The following ADAMTSL3 variants were observed in gnomAD, a reference collection of about 807,000 sequenced individuals.
ADAMTSL3 encodes the protein ADAMTS like 3.
A neutral mutation model predicts 201.7 loss-of-function variants in ADAMTSL3; 128 were observed. That is an observed-to-expected ratio of 0.63 (90% CI 0.55 to 0.73). The LOEUF is 0.73. Among genes scored for constraint, ADAMTSL3 ranks in the 30% least tolerant of loss-of-function variants. The pLI is 0.00. For missense variants in ADAMTSL3, 1,990 were observed against 2,119.6 expected (o/e 0.94, Z 1.20); for synonymous variants, 738 against 748.4 (o/e 0.99, Z 0.23).
intron 21 of ADAMTSL3, among the ~76,000 whole-genome samples, chr15:83,984,646 A>G (rs1266417355): frequency 2.0e-5 from 3 of 152,218 alleles, no homozygotes; most frequent in African/African-American, 7.2e-5. Flanking sequence ...CATTGAAAAT[A>G]TCTCCATTAA....
At chr15:84,023,405 A>T (rs1002607798) in intron 26 of ADAMTSL3, among the ~76,000 whole-genome samples, 1 of 152,200 alleles carries the variant, frequency 6.6e-6, no homozygotes, top group African/African-American at 2.4e-5. Flanking sequence ...CCAGTCTCTA[A>T]GAGTGCCTTG....
At chr15:83,734,041 A>C (rs1319194455) in intron 3 of ADAMTSL3, among the ~76,000 whole-genome samples, 6 of 152,198 alleles carry the variant, frequency 3.9e-5, no homozygotes, top group African/African-American at 1.4e-4. Flanking sequence ...CGTAAAAGGA[A>C]TAGTGAGTCT....
intron 6 of ADAMTSL3, among the ~76,000 whole-genome samples, chr15:83,822,322 G>A (rs2063893599): frequency 6.7e-6 from 1 of 148,794 alleles, no homozygotes; most frequent in Non-Finnish European, 1.5e-5. Context: ...CTCAGACGGG[G>A]CGGCTGCCGG....
At chr15:83,875,471 A>C (rs1389777701) in intron 9 of ADAMTSL3, among the ~76,000 whole-genome samples, 2 of 152,228 alleles carry the variant, frequency 1.3e-5, no homozygotes, top group Non-Finnish European at 2.9e-5. Context: ...CTAGCAAGGC[A>C]AATGTGACCA....
rs367856365 is a variant in ADAMTSL3, at chr15:83,759,618, G to A, written c.190-13905G>A. 1.6e-4 allele frequency among the ~76,000 whole-genome samples: 24 copies of A among 152,082 alleles called. No individual in the cohort carries two copies. The East Asian group carries it at 2.5e-3, about 16-fold the overall frequency. ...AGAAGAAGACCTGAGATGAAGATTC[G>A]TATCCAAGTGATTTATTCCAGTGGA... is the stretch of plus-strand genomic sequence containing the variant. On this transcript the variant is annotated intron_variant, in intron 3 of 29. Transcript: ENST00000286744.
chr15:83,763,880 G>C (rs1447529314), intron 3 of ADAMTSL3, among the ~76,000 whole-genome samples: 1 of 152,212 alleles, frequency 6.6e-6, no homozygotes, highest in Non-Finnish European at 1.5e-5. Context: ...CTGCAGGCCA[G>C]ATTCCTCCCA....
chr15:83,792,267 A>G (rs1447728058), intron 4 of ADAMTSL3, among the ~76,000 whole-genome samples: 1 of 152,210 alleles, frequency 6.6e-6, no homozygotes, highest in Non-Finnish European at 1.5e-5. Context: ...TAAGTGATGT[A>G]AGCCAAAAGA....
intron 8 of ADAMTSL3, 115 bp from the exon 9 acceptor site, chr15:83,870,687 G>A: frequency 1.2e-6 from 1 of 802,550 alleles, no homozygotes; most frequent in South Asian, 2.2e-5. Flanking sequence ...TAAACTGAGT[G>A]GCTATTTTGA....
At chr15:84,034,567 C>T (rs905090267) in intron 28 of ADAMTSL3, among the ~76,000 whole-genome samples, 6 of 152,114 alleles carry the variant, frequency 3.9e-5, no homozygotes, top group African/African-American at 1.4e-4. Flanking sequence ...GTTGGTTTCT[C>T]AAAGTGGCGA....
intron 8 of ADAMTSL3, among the ~76,000 whole-genome samples, chr15:83,867,871 C>G (rs1314609597): frequency 6.6e-6 from 1 of 152,144 alleles, no homozygotes; most frequent in Non-Finnish European, 1.5e-5. Context: ...AAGCATTCAT[C>G]ATTTTCTAGG....
intron 6 of ADAMTSL3, among the ~76,000 whole-genome samples, chr15:83,820,594 G>A (rs530630855): frequency 1.3e-5 from 2 of 152,294 alleles, no homozygotes; most frequent in South Asian, 4.1e-4. Flanking sequence ...TAATACTAGA[G>A]AGTCTCTTAT....
At chr15:83,991,391 C>G (rs1360143339) in intron 23 of ADAMTSL3, among the ~76,000 whole-genome samples, 177 bp downstream of exon 23, 2 of 152,216 alleles carry the variant, frequency 1.3e-5, no homozygotes, top group Non-Finnish European at 2.9e-5. Flanking sequence ...TGAGGTCATA[C>G]TGGCTCATGA....
Position 83,780,417 on chromosome 15 carries a change from A to G in ADAMTSL3, c.317+6767A>G, listed in dbSNP as rs562601604. 3.3e-3 allele frequency among the ~76,000 whole-genome samples: 493 copies of G among 150,888 alleles called. 3 individuals carry two copies. The highest frequency in any genetic ancestry group is 0.011 in the African/African-American group (466 of 41,116). ...AAGAGTGAAACTCCATTAAAAAAAA[A>G]AAAAAACAAACTTCTCAATAAAGTA... On this transcript the variant is annotated intron_variant, in intron 4 of 29. Coordinates refer to ENST00000286744, the MANE Select transcript of ADAMTSL3 (RefSeq NM_207517.3).
chr15:83,875,772 A>T (rs2065165556), intron 9 of ADAMTSL3, among the ~76,000 whole-genome samples: 1 of 152,154 alleles, frequency 6.6e-6, no homozygotes, highest in African/African-American at 2.4e-5. Context: ...ACAGAGCGAG[A>T]CTTCATCTCA....
chr15:83,809,930 G>A (rs1322431989), intron 5 of ADAMTSL3, among the ~76,000 whole-genome samples: 1 of 152,058 alleles, frequency 6.6e-6, no homozygotes, highest in African/African-American at 2.4e-5. Flanking sequence ...CTAATCTGTG[G>A]ATCAAGTTTT....
chr15:83,675,956 T>A (rs2061399264), intron 2 of ADAMTSL3, among the ~76,000 whole-genome samples: 1 of 151,630 alleles, frequency 6.6e-6, no homozygotes, highest in African/African-American at 2.4e-5. Context: ...TTCCTGATAT[T>A]TGAAGTTTGC....
intron 23 of ADAMTSL3, among the ~76,000 whole-genome samples, chr15:84,012,180 C>T (rs1468523730): frequency 5.9e-5 from 9 of 152,138 alleles, no homozygotes; most frequent in African/African-American, 1.9e-4. Context: ...AAGCTTAAAA[C>T]AATACCCATA....
At chr15:83,672,695 AG>A (rs1180250640) in intron 2 of ADAMTSL3, among the ~76,000 whole-genome samples, 1 of 152,236 alleles carries the variant, frequency 6.6e-6, no homozygotes, top group East Asian at 1.9e-4. Context: ...TTCCTTTCAA[AG>A]CAAACACTTC....
intron 9 of ADAMTSL3, among the ~76,000 whole-genome samples, chr15:83,873,957 G>C (rs1254157292): frequency 1.4e-5 from 2 of 145,236 alleles, no homozygotes; most frequent in African/African-American, 5.3e-5. Context: ...AGTGGAGAGA[G>C]ATGAAGATTT....
Sources: gnomAD v4.1 joint callset for allele counts (sites outside exome capture counted in the v4.1 genomes callset) on GRCh38, gnomAD v4.1.1 for gene constraint, MANE v1.5 for transcripts, NCBI Gene and HGNC (gene_info 2026-07-23, HGNC 2026-07-21) for gene names.